PDS5B: variants seen among roughly 807,000 people sequenced by gnomAD.
The protein encoded by PDS5B is PDS5 cohesin associated factor B.
In PDS5B, 51 loss-of-function variants were observed where a neutral mutation model predicts 184.1. The observed-to-expected ratio is 0.28, with a 90% CI of 0.22 to 0.35. The LOEUF is 0.35. Among genes scored for constraint, PDS5B ranks in the 10% least tolerant of loss-of-function variants. The pLI is 1.00. For synonymous variants in PDS5B, 566 were observed against 569.2 expected (o/e 0.99, Z 0.08); for missense variants, 1,180 against 1,723.3 (o/e 0.68, Z 5.58).
Position 32,655,368 on chromosome 13 carries a change from A to ATTTTT in PDS5B, c.313-2870_313-2869insTTTTT, listed in dbSNP as rs368287046. Reference sequence around the variant, plus strand: ...TCTTCATGTTCTTTGCCATATATATATATATATTTTTTTTTTTTTTTTTTT... The same window carrying ATTTTT: ...TCTTCATGTTCTTTGCCATATATATATTTTTTATATATTTTTTTTTTTTTTTTTTT... On this transcript the variant is annotated intron_variant, in intron 3 of 34. Coordinates refer to ENST00000315596, the MANE Select transcript of PDS5B (RefSeq NM_015032.4). Among the ~76,000 whole-genome samples, 21 of 27,178 alleles carry ATTTTT rather than the reference A, an allele frequency of 7.7e-4. 1 individual carries two copies. The highest frequency in any genetic ancestry group is 3.2e-3 in the African/African-American group (19 of 5,988). 17.8% of individuals were successfully genotyped at this position (27,178 alleles called of 152,430 possible).
At chr13:32,597,728 T>TACCAGCTACTCAGG (rs1346370687) in intron 1 of PDS5B, among the ~76,000 whole-genome samples, 75 of 151,642 alleles carry the variant, frequency 4.9e-4, no homozygotes, top group Admixed American at 2.1e-3. Flanking sequence ...GCATCTGTAG[T>TACCAGCTACTCAGG]ACCAGCTACT....
At chr13:32,591,456 A>T (rs1371119189) in intron 1 of PDS5B, among the ~76,000 whole-genome samples, 2 of 152,086 alleles carry the variant, frequency 1.3e-5, no homozygotes, top group African/African-American at 4.8e-5. Flanking sequence ...TTTTTTCCTT[A>T]GTTAAGTCAC....
intron 1 of PDS5B, among the ~76,000 whole-genome samples, chr13:32,587,126 G>A (rs2057697694): frequency 6.8e-6 from 1 of 147,326 alleles, no homozygotes; most frequent in Non-Finnish European, 1.5e-5. Context: ...CCTTCCGGGC[G>A]AGGGGCGGGC....
At chr13:32,635,869 C>T (rs760761098) in intron 1 of PDS5B, among the ~76,000 whole-genome samples, 86 of 149,786 alleles carry the variant, frequency 5.7e-4, no homozygotes, top group African/African-American at 1.6e-3. Context: ...CCTCGGTTCA[C>T]GCCATTCTCC....
chr13:32,603,240 A>T (rs1024728390), intron 1 of PDS5B, among the ~76,000 whole-genome samples: 1 of 152,206 alleles, frequency 6.6e-6, no homozygotes, highest in African/African-American at 2.4e-5. Context: ...CTAACATTTA[A>T]GTCTTTAATC....
chr13:32,758,084 T>A lies in PDS5B; in HGVS notation c.3057-3T>A, dbSNP rs2141009543. On this transcript the variant is annotated splice_polypyrimidine_tract_variant and splice_region_variant and intron_variant, in intron 26 of 34. Coordinates refer to ENST00000315596, the MANE Select transcript of PDS5B (RefSeq NM_015032.4). ...TTTCTTTTTTCCTTTTTTTTTTTTT[T>A]AGATGTCTTTGGTTTGTTCTGGAAA... The A allele has an allele frequency of 5.4e-6, 7 of 1,299,920 alleles. No homozygotes were observed. The highest frequency in any genetic ancestry group is 2.6e-5 in the East Asian group (1 of 38,618). 80.5% of individuals were successfully genotyped at this position (1,299,920 alleles called of 1,614,324 possible).
intron 19 of PDS5B, among the ~76,000 whole-genome samples, chr13:32,723,481 G>A (rs917423551): frequency 1.3e-5 from 2 of 152,166 alleles, no homozygotes; most frequent in Non-Finnish European, 2.9e-5. Context: ...TTTTTAATAG[G>A]AAAAGCAGTC....
intron 10 of PDS5B, 23 bp from the exon 11 acceptor site, chr13:32,683,855 T>C: frequency 6.6e-7 from 1 of 1,519,842 alleles, no homozygotes; most frequent in Non-Finnish European, 9.0e-7. Flanking sequence ...AAATTTCCAC[T>C]GTAATAAAAT....
intron 1 of PDS5B, among the ~76,000 whole-genome samples, chr13:32,602,303 T>C (rs929627988): frequency 5.3e-5 from 8 of 152,260 alleles, no homozygotes; most frequent in African/African-American, 1.7e-4. Context: ...TGTGTCCAAG[T>C]GTTCTCATTG....
chr13:32,732,046 A>G, intron 19 of PDS5B, 55 bp from the exon 20 acceptor site: 1 of 1,442,170 alleles, frequency 6.9e-7, no homozygotes, highest in African/African-American at 1.4e-5. Context: ...AGTATCTAGC[A>G]GAAGTCTTGT....
At chr13:32,587,067 C>T (rs1016775988) in intron 1 of PDS5B, among the ~76,000 whole-genome samples, 162 of 145,992 alleles carry the variant, frequency 1.1e-3, no homozygotes, top group African/African-American at 3.4e-3. Flanking sequence ...GGGCGGCAGG[C>T]GGGCGGCGCG....
intron 1 of PDS5B, among the ~76,000 whole-genome samples, chr13:32,587,234 T>C (rs1400699385): frequency 6.6e-6 from 1 of 150,496 alleles, no homozygotes; most frequent in African/African-American, 2.4e-5. Context: ...GGGCTGAGCG[T>C]GACATTTTTG....
At position 32,753,536 on chromosome 13, in the gene PDS5B, G is replaced by A; in HGVS notation, c.2941G>A (p.Glu981Lys). The change falls in exon 25 of 35, where the codon GAA (glutamate) becomes AAA (lysine). Residue 981 changes from glutamate (E) to lysine (K), a missense_variant and splice_region_variant. Around this residue, in one of 11 missense-constraint regions of PDS5B, gnomAD observed 57 missense variants for 80.9 expected, o/e 0.70. Coordinates refer to ENST00000315596, the MANE Select transcript of PDS5B (RefSeq NM_015032.4). ...TCTGAAGCAGCATGCAGCTGTTAGT[G>A]GTAAGCATATAAGAAAATGGAAAGG... ...EYLKQHAAVS[E>K]KLLSLLPEYV... The A allele has an allele frequency of 6.2e-7, 1 of 1,606,172 alleles. No homozygotes were observed. The highest frequency in any genetic ancestry group is 8.5e-7 in the Non-Finnish European group (1 of 1,174,350).
intron 12 of PDS5B, among the ~76,000 whole-genome samples, chr13:32,687,790 G>A (rs1475394346): frequency 1.3e-5 from 2 of 152,016 alleles, no homozygotes; most frequent in African/African-American, 2.4e-5. Flanking sequence ...AGTTAATAGA[G>A]CTCTAAATCC....
At chr13:32,592,651 A>G (rs547747428) in intron 1 of PDS5B, among the ~76,000 whole-genome samples, 1 of 152,218 alleles carries the variant, frequency 6.6e-6, no homozygotes, top group East Asian at 1.9e-4. Flanking sequence ...GGTAACATAA[A>G]TAGGTCAAGT....
At chr13:32,703,063 T>C (rs531880248) in intron 17 of PDS5B, among the ~76,000 whole-genome samples, 2 of 152,200 alleles carry the variant, frequency 1.3e-5, no homozygotes, top group African/African-American at 4.8e-5. Context: ...ATGTGGAGAA[T>C]AGTAGTACCT....
intron 1 of PDS5B, among the ~76,000 whole-genome samples, chr13:32,599,939 T>A (rs2057947060): frequency 6.6e-6 from 1 of 151,936 alleles, no homozygotes; most frequent in Non-Finnish European, 1.5e-5. Flanking sequence ...CAAAACCTTT[T>A]CTGCCCCATT....
rs1950542903 is a variant in PDS5B at position 32,657,412 on chromosome 13, T to G, written c.313-827T>G. On this transcript the variant is annotated intron_variant, in intron 3 of 34. Transcript: ENST00000315596. ...TGCTTTCTTCTGTTTTCTGTTTGCTTGGTAGATTTTTCTCCATCCCTTTAC... is the reference window on the plus strand; with the variant it reads ...TGCTTTCTTCTGTTTTCTGTTTGCTGGGTAGATTTTTCTCCATCCCTTTAC... Among the ~76,000 whole-genome samples, 3 of 152,312 alleles carry G rather than the reference T, an allele frequency of 2.0e-5. No individual in the cohort carries two copies. The South Asian group carries it at 6.2e-4, about 32-fold the overall frequency.
At chr13:32,587,303 C>T (rs1017155184) in intron 1 of PDS5B, among the ~76,000 whole-genome samples, 5 of 152,040 alleles carry the variant, frequency 3.3e-5, no homozygotes, top group South Asian at 2.1e-4. Flanking sequence ...CCCGAGTGGT[C>T]CCCGAGCAGC....
Sources: allele counts gnomAD v4.1 joint callset (sites outside exome capture counted in the v4.1 genomes callset), GRCh38; gene constraint gnomAD v4.1.1; regional missense constraint gnomAD v4.1.1; transcripts MANE v1.5; gene names NCBI Gene and HGNC (gene_info 2026-07-23, HGNC 2026-07-21).